The following PSEN2 variants were observed in gnomAD, a reference collection of about 807,000 sequenced individuals.
The protein encoded by PSEN2 is presenilin-2.
Under a neutral mutation model 49.1 loss-of-function variants are expected in PSEN2, and 32 were observed. The observed-to-expected ratio is 0.65, with a 90% confidence interval of 0.49 to 0.88. The LOEUF (loss-of-function observed/expected upper bound fraction) is 0.88, where lower values mean the gene tolerates loss of function less well. Among genes scored for constraint, PSEN2 ranks in the 40% least tolerant of loss-of-function variants. The pLI, the probability that PSEN2 is intolerant of heterozygous loss-of-function variation, is 0.00. For synonymous variants in PSEN2, 255 were observed against 244.0 expected, an observed-to-expected ratio of 1.05 and a Z score of -0.42; for missense variants, 522 against 586.9, an observed-to-expected ratio of 0.89 and a Z score of 1.14.
At chr1:226,892,525 C>T (rs1336769417) in intron 11 of PSEN2, among the ~76,000 whole-genome samples, 1 of 152,176 alleles carries the variant, frequency 6.6e-6, no homozygotes, top group East Asian at 1.9e-4. Context: ...AGATGCTGCA[C>T]TGTCGTAACA....
rs1246957764 is a variant in PSEN2, at chr1:226,883,897, TAC to T, written c.338_339del (p.Thr113ArgfsTer13). On this transcript the variant is annotated frameshift_variant, in exon 5 of 13. Coordinates refer to ENST00000366783, the MANE Select transcript of PSEN2 (RefSeq NM_000447.3). LOFTEE classifies it high-confidence loss of function. ...AGCCACCATCAAGTCTGTGCGCTTC[TAC>T]ACAGAGAAGAATGGACAGCTGTGAG... is the stretch of plus-strand genomic sequence containing the variant. Reference protein sequence around the residue: ...VVATIKSVRFYTEKNGQLIYT... With the variant: ...VVATIKSVRFXTEKNGQLIYT... 13 of 1,410,426 alleles carry T rather than the reference TAC, an allele frequency of 9.2e-6. No homozygotes were observed. The highest frequency in any genetic ancestry group is 1.2e-5 in the Non-Finnish European group (13 of 1,058,928). The allele number at this position is 1,410,426 out of a possible 1,614,324, so 87.4% of individuals were successfully genotyped here.
At chr1:226,890,655 G>A (rs187866408) in intron 9 of PSEN2, 105 of 223,684 alleles carry the variant, frequency 4.7e-4, no homozygotes, top group African/African-American at 2.4e-3. Context: ...TTTTGTGACA[G>A]GCACTGTGCT....
Position 226,894,099 on chromosome 1 carries a change from C to T in PSEN2, c.1165C>T (p.Leu389=). The change falls in exon 12 of 13, where the codon CTG becomes TTG. Residue 389 remains leucine (L), a synonymous_variant. Coordinates refer to ENST00000366783, the MANE Select transcript of PSEN2 (RefSeq NM_000447.3). ...GGGCAGCGGGGACTGGAATACCACG[C>T]TGGCCTGCTTCGTGGCCATCCTCAT... ...ATGSGDWNTT[L]ACFVAILIGL... The T allele has an allele frequency of 1.9e-6, 3 of 1,614,162 alleles. No homozygotes were observed. The highest frequency in any genetic ancestry group is 1.1e-5 in the South Asian group (1 of 91,078).
At chr1:226,891,135 C>G (rs1416692491) in intron 9 of PSEN2, 143 bp from the exon 10 acceptor site, 1 of 713,582 alleles carries the variant, frequency 1.4e-6, no homozygotes, top group Non-Finnish European at 2.5e-6. Flanking sequence ...CAACGGCCTC[C>G]TAACAATGGA....
downstream of PSEN2, among the ~76,000 whole-genome samples, chr1:226,897,120 C>A (rs1025623473): frequency 2.4e-4 from 36 of 152,058 alleles, no homozygotes; most frequent in Non-Finnish European, 4.0e-4. Flanking sequence ...GGGGCATTGC[C>A]GTCATGGAAG....
chr1:226,877,881 G>A (rs1660733846), intron 3 of PSEN2, among the ~76,000 whole-genome samples: 2 of 152,168 alleles, frequency 1.3e-5, no homozygotes, highest in Admixed American at 6.5e-5. Flanking sequence ...CTGGGCACAG[G>A]GCAGGCAGTC....
intron 11 of PSEN2, among the ~76,000 whole-genome samples, chr1:226,892,329 TGACA>T (rs1043697007): frequency 3.3e-5 from 5 of 152,154 alleles, no homozygotes; most frequent in African/African-American, 1.2e-4. Context: ...GAGCATTTCC[TGACA>T]GACAGACTCA....
intron 6 of PSEN2, 139 bp downstream of exon 6, chr1:226,885,818 C>G (rs760151651): frequency 1.0e-4 from 92 of 917,222 alleles, no homozygotes; most frequent in Non-Finnish European, 1.5e-4. Context: ...CTCCTCCCCA[C>G]CCCATCCTGT....
intron 9 of PSEN2, chr1:226,890,436 C>T (rs1157805383): frequency 5.1e-6 from 2 of 392,934 alleles, no homozygotes; most frequent in East Asian, 1.2e-4. Flanking sequence ...CCTCAGCTCT[C>T]CAGGCTCTTG....
intron 12 of PSEN2, among the ~76,000 whole-genome samples, chr1:226,902,934 C>G (rs1369903837): frequency 6.6e-6 from 1 of 152,162 alleles, no homozygotes; most frequent in South Asian, 2.1e-4. Flanking sequence ...GGAACAGAAA[C>G]CTGAGAGGCT....
At chr1:226,885,705 C>T in intron 6 of PSEN2, 26 bp downstream of exon 6, 2 of 1,603,590 alleles carry the variant, frequency 1.2e-6, no homozygotes, top group Middle Eastern at 1.7e-4. Context: ...TGCCCTCCAG[C>T]CACGCTTCTC....
downstream of PSEN2, chr1:226,899,385 A>G (rs192038467): frequency 3.9e-5 from 6 of 152,192 alleles, 1 homozygote; most frequent in Admixed American, 3.9e-4. Context: ...GACATATACC[A>G]AGTTTCCATA....
At chr1:226,895,358 C>T in intron 12 of PSEN2, 66 bp from the exon 13 acceptor site, 1 of 1,586,820 alleles carries the variant, frequency 6.3e-7, no homozygotes, top group Non-Finnish European at 8.6e-7. Flanking sequence ...AGGGACTAGA[C>T]CATGACTCAC....
chr1:226,891,189 T>G, intron 9 of PSEN2, 89 bp from the exon 10 acceptor site: 1 of 1,137,970 alleles, frequency 8.8e-7, no homozygotes, highest in Non-Finnish European at 1.3e-6. Context: ...GTGCAGGCTT[T>G]CTGGGACGCA....
In PSEN2 at chr1:226,883,799, T is replaced by C. The variant is rs760961297; in HGVS notation, c.236T>C (p.Leu79Pro). 29 of 1,614,064 alleles carry C rather than the reference T, an allele frequency of 1.8e-5. No individual in the cohort carries two copies. The highest frequency in any genetic ancestry group is 2.5e-5 in the Non-Finnish European group (29 of 1,180,042). The change falls in exon 5 of 13, where the codon CTG becomes CCG. Residue 79 changes from leucine to proline, a missense_variant. Leu to Pro is a moderately conservative substitution (Grantham distance 98, BLOSUM62 -3). Coordinates refer to ENST00000366783, the MANE Select transcript of PSEN2 (RefSeq NM_000447.3). ...CGGCCGCCAGGCCTGGAGGAAGAGC[T>C]GACCCTCAAATACGGAGCGAAGCAC... Reference protein sequence around the residue: ...PGRPPGLEEELTLKYGAKHVI... With the variant: ...PGRPPGLEEEPTLKYGAKHVI...
chr1:226,891,408 T>TGCC, intron 10 of PSEN2, 47 bp downstream of exon 10: 1 of 1,514,896 alleles, frequency 6.6e-7, no homozygotes, highest in Non-Finnish European at 9.0e-7. Flanking sequence ...GGGGGGCAGC[T>TGCC]CCCTACCTGC....
chr1:226,879,437 T>A (rs1182555710), intron 3 of PSEN2, among the ~76,000 whole-genome samples: 1 of 152,182 alleles, frequency 6.6e-6, no homozygotes, highest in Non-Finnish European at 1.5e-5. Flanking sequence ...ATCTTCCTCC[T>A]GGTCAGAAAG....
Position 226,888,038 on chromosome 1 carries a change from A to C in PSEN2, c.499-53A>C, listed in dbSNP as rs906675501. 8.9e-6 allele frequency: 13 copies of C among 1,464,244 alleles called. No homozygotes were observed. The East Asian group carries it at 2.9e-4, about 33-fold the overall frequency. 90.7% of individuals were successfully genotyped at this position (1,464,244 alleles called of 1,614,324 possible). A position where few individuals can be genotyped will look rare whatever the true frequency, so the allele number is the denominator to read the frequency against. The stretch of plus-strand genomic sequence containing the variant: ...TCAGTCTCAGGATCCTGGGGGCCTT[A>C]GAATTTGTGGCGCTTGGGGACACCT... On this transcript the variant is annotated intron_variant, in intron 6 of 12. Transcript: ENST00000366783.
At chr1:226,890,177 G>T in intron 9 of PSEN2, 44 bp downstream of exon 9, 1 of 1,512,360 alleles carries the variant, frequency 6.6e-7, no homozygotes, top group Non-Finnish European at 9.2e-7. Context: ...GGGTCAGCAG[G>T]CAGCCTGTGG....
Sources: allele counts gnomAD v4.1 joint callset (sites outside exome capture counted in the v4.1 genomes callset), GRCh38; gene constraint gnomAD v4.1.1; transcripts MANE v1.5; gene names NCBI Gene and HGNC (gene_info 2026-07-23, HGNC 2026-07-21).